Variants in CNTNAP4 observed in about 807,000 individuals in gnomAD.
CNTNAP4 encodes contactin associated protein family member 4, also known as contactin-associated protein-like 4.
A neutral mutation model predicts 148.4 loss-of-function variants in CNTNAP4; 98 were observed. The ratio of observed to expected loss-of-function variants is 0.66; its 90% CI spans 0.56 to 0.78. The LOEUF (loss-of-function observed/expected upper bound fraction) is 0.78, where lower values mean the gene tolerates loss of function less well. Among genes scored for constraint, CNTNAP4 ranks in the 30% least tolerant of loss-of-function variants. CNTNAP4 has a pLI of 0.00. For missense variants in CNTNAP4, 1,935 were observed against 1,565.6 expected (o/e 1.24, Z -3.98); for synonymous variants, 730 against 565.1 (o/e 1.29, Z -4.14).
chr16:76,452,301 T>C (rs935968271), intron 7 of CNTNAP4, among the ~76,000 whole-genome samples: 5 of 152,200 alleles, frequency 3.3e-5, no homozygotes, highest in Non-Finnish European at 7.3e-5. Context: ...CTTTTAAATT[T>C]ATATTAAAGT....
chr16:76,316,095 C>T, intron 1 of CNTNAP4: 1 of 416,802 alleles, frequency 2.4e-6, no homozygotes, highest in South Asian at 6.9e-5. Context: ...TTTTGGAAAC[C>T]TTAAGTATTT....
chr16:76,330,764 C>A (rs945118003), intron 2 of CNTNAP4, among the ~76,000 whole-genome samples: 3 of 152,004 alleles, frequency 2.0e-5, no homozygotes, highest in Non-Finnish European at 4.4e-5. Flanking sequence ...AGTAAAAATA[C>A]AGAAAGAGCT....
At chr16:76,440,476 C>T (rs775150855) in intron 4 of CNTNAP4, among the ~76,000 whole-genome samples, 10 of 152,262 alleles carry the variant, frequency 6.6e-5, no homozygotes, top group Non-Finnish European at 8.8e-5. Flanking sequence ...CCACAATTAT[C>T]GGCAAGTACC....
chr16:76,363,112 T>G (rs1196208910), intron 3 of CNTNAP4, among the ~76,000 whole-genome samples: 1 of 150,308 alleles, frequency 6.7e-6, no homozygotes, highest in Non-Finnish European at 1.5e-5. Context: ...CAAATGCTAC[T>G]GGGTAAACTG....
chr16:76,322,787 A>T (rs902696457), intron 2 of CNTNAP4, among the ~76,000 whole-genome samples: 33 of 152,024 alleles, frequency 2.2e-4, no homozygotes, highest in Admixed American at 2.0e-3. Flanking sequence ...TCTGACCTCC[A>T]CAGAACTGTG....
chr16:76,347,745 AT>A (rs1430576312), intron 2 of CNTNAP4, among the ~76,000 whole-genome samples: 1 of 152,124 alleles, frequency 6.6e-6, no homozygotes, highest in Non-Finnish European at 1.5e-5. Flanking sequence ...AAAATGACTG[AT>A]GTTCAGTTTA....
chr16:76,407,356 C>G (rs2078630780), intron 3 of CNTNAP4, among the ~76,000 whole-genome samples: 1 of 151,922 alleles, frequency 6.6e-6, no homozygotes, highest in Admixed American at 6.6e-5. Context: ...AAGGCTATAG[C>G]TCTTATTGAT....
intron 15 of CNTNAP4, among the ~76,000 whole-genome samples, chr16:76,502,648 T>C (rs978772971): frequency 6.6e-6 from 1 of 152,150 alleles, no homozygotes; most frequent in Non-Finnish European, 1.5e-5. Context: ...TAGGCAATGA[T>C]TGGCATGGAG....
chr16:76,541,899 G>T (rs1457899696), intron 21 of CNTNAP4, among the ~76,000 whole-genome samples: 1 of 152,186 alleles, frequency 6.6e-6, no homozygotes, highest in Admixed American at 6.5e-5. Flanking sequence ...ATGTTTGGAA[G>T]CTTAACTGAA....
intron 7 of CNTNAP4, among the ~76,000 whole-genome samples, chr16:76,450,307 C>G (rs552263187): frequency 4.1e-4 from 63 of 152,172 alleles, no homozygotes; most frequent in African/African-American, 1.4e-3. Context: ...TGCCAACACA[C>G]CTGGCTAATT....
At chr16:76,291,492 C>A (rs1229498841) in intron 1 of CNTNAP4, among the ~76,000 whole-genome samples, 2 of 152,156 alleles carry the variant, frequency 1.3e-5, no homozygotes, top group African/African-American at 4.8e-5. Flanking sequence ...GCCATTATCA[C>A]AAGTATTATT....
intron 1 of CNTNAP4, among the ~76,000 whole-genome samples, chr16:76,285,053 G>C (rs1204706086): frequency 1.3e-5 from 2 of 152,014 alleles, no homozygotes; most frequent in Non-Finnish European, 2.9e-5. Flanking sequence ...ACAGAACTGT[G>C]TAATGATAAA....
At chr16:76,400,269 A>G (rs377116760) in intron 3 of CNTNAP4, among the ~76,000 whole-genome samples, 3 of 152,222 alleles carry the variant, frequency 2.0e-5, no homozygotes, top group East Asian at 1.9e-4. Flanking sequence ...ACATTGTGGA[A>G]TGATGAAACA....
At chr16:76,419,921 C>G (rs1403711143) in intron 3 of CNTNAP4, among the ~76,000 whole-genome samples, 1 of 151,948 alleles carries the variant, frequency 6.6e-6, no homozygotes, top group Non-Finnish European at 1.5e-5. Flanking sequence ...CATGAAGGCC[C>G]CACCTCATGA....
intron 1 of CNTNAP4, among the ~76,000 whole-genome samples, chr16:76,298,518 G>GTGTGTGTGTT (rs1959570682): frequency 6.7e-6 from 1 of 150,006 alleles, no homozygotes; most frequent in African/African-American, 2.5e-5. Context: ...GTGTGTGTGT[G>GTGTGTGTGTT]TGTGTGTGTG....
intron 3 of CNTNAP4, among the ~76,000 whole-genome samples, chr16:76,364,423 C>T (rs80024535): frequency 0.024 from 3,619 of 152,032 alleles, 58 homozygotes; most frequent in Non-Finnish European, 0.035. Context: ...TAATTTGGTG[C>T]CTCTTCAGAG....
chr16:76,428,612 A>G (rs539685850), intron 4 of CNTNAP4, among the ~76,000 whole-genome samples: 2 of 152,230 alleles, frequency 1.3e-5, no homozygotes, highest in African/African-American at 2.4e-5. Context: ...ATCACATTGC[A>G]TGGTTTGCGT....
chr16:76,534,730 C>A lies in CNTNAP4; in HGVS notation c.2756-815C>A, dbSNP rs1029879587. ...AACCAGTATTTCTTGGAGCAAGCTA[C>A]CGAGTCTATTTATTAGAAGCTCTCC... On this transcript the variant is annotated intron_variant, in intron 17 of 23. Transcript: ENST00000611870. 2.0e-5 allele frequency among the ~76,000 whole-genome samples: 3 copies of A among 152,122 alleles called. No homozygotes were observed. The South Asian group carries it at 6.2e-4, about 31-fold the overall frequency.
intron 17 of CNTNAP4, among the ~76,000 whole-genome samples, chr16:76,523,445 T>C (rs1846159634): frequency 6.6e-6 from 1 of 152,160 alleles, no homozygotes; most frequent in South Asian, 2.1e-4. Flanking sequence ...CTTTATTTCC[T>C]AAATCCATTC....
Sources: gnomAD v4.1 joint callset for allele counts (sites outside exome capture counted in the v4.1 genomes callset) on GRCh38, gnomAD v4.1.1 for gene constraint, MANE v1.5 for transcripts, NCBI Gene and HGNC (gene_info 2026-07-23, HGNC 2026-07-21) for gene names.